Variants in STK39 observed in about 807,000 individuals in gnomAD.
STK39 encodes the protein serine/threonine kinase 39.
Under a neutral mutation model 77.8 loss-of-function variants are expected in STK39, and 20 were observed. The observed-to-expected ratio is 0.26, with a 90% confidence interval of 0.18 to 0.37. The LOEUF (loss-of-function observed/expected upper bound fraction) is 0.37. STK39 is among the 10% of genes least tolerant of loss of function. The pLI is 1.00. For synonymous variants in STK39, 246 were observed against 234.1 expected, an observed-to-expected ratio of 1.05 and a Z score of -0.47; for missense variants, 479 against 656.5, an observed-to-expected ratio of 0.73 and a Z score of 2.95.
chr2:168,244,567 TA>T (rs1421382207), intron 1 of STK39, among the ~76,000 whole-genome samples: 1 of 152,256 alleles, frequency 6.6e-6, no homozygotes, highest in Non-Finnish European at 1.5e-5. Context: ...TTTGAACTGC[TA>T]ACTTCTGCGT....
intron 10 of STK39, among the ~76,000 whole-genome samples, chr2:168,085,382 G>A (rs760627926): frequency 4.6e-5 from 7 of 152,260 alleles, no homozygotes; most frequent in East Asian, 1.9e-4. Flanking sequence ...GTGTGCTCCC[G>A]TTTTCCCCCT....
At chr2:168,067,535 G>A (rs1381730694) in intron 12 of STK39, among the ~76,000 whole-genome samples, 2 of 152,130 alleles carry the variant, frequency 1.3e-5, no homozygotes, top group Admixed American at 6.5e-5. Context: ...CTGCAGAACC[G>A]TGAGTCAATT....
chr2:168,235,231 G>A (rs188565055), intron 1 of STK39, among the ~76,000 whole-genome samples: 107 of 151,948 alleles, frequency 7.0e-4, no homozygotes, highest in Admixed American at 1.8e-3. Flanking sequence ...GTAGAGACGG[G>A]GTTTCACCAT....
At chr2:168,153,385 A>G (rs1688340093) in intron 5 of STK39, among the ~76,000 whole-genome samples, 1 of 152,146 alleles carries the variant, frequency 6.6e-6, no homozygotes, top group South Asian at 2.1e-4. Flanking sequence ...AATATAATAC[A>G]TAGTAGTAGT....
At chr2:168,235,904 A>G (rs1690592589) in intron 1 of STK39, among the ~76,000 whole-genome samples, 2 of 152,084 alleles carry the variant, frequency 1.3e-5, no homozygotes, top group Non-Finnish European at 2.9e-5. Flanking sequence ...GAATAGTGCC[A>G]CAATAAACAT....
At chr2:168,120,703 T>C (rs1687383519) in intron 10 of STK39, among the ~76,000 whole-genome samples, 1 of 152,252 alleles carries the variant, frequency 6.6e-6, no homozygotes, top group Non-Finnish European at 1.5e-5. Context: ...GTGCCACTTA[T>C]TATTTTGTCC....
At chr2:168,173,966 G>A (rs986675488) in intron 2 of STK39, among the ~76,000 whole-genome samples, 1 of 152,172 alleles carries the variant, frequency 6.6e-6, no homozygotes, top group African/African-American at 2.4e-5. Flanking sequence ...ATTTTGTCTT[G>A]TACCACTTAC....
intron 1 of STK39, among the ~76,000 whole-genome samples, chr2:168,189,603 T>C (rs1196541976): frequency 1.3e-5 from 2 of 152,178 alleles, no homozygotes. Flanking sequence ...ATGTGTGAGA[T>C]AAGGAGCTAA....
intron 10 of STK39, among the ~76,000 whole-genome samples, chr2:168,108,554 TAAAAAAGAAAA>T (rs1325237806): frequency 2.0e-5 from 3 of 150,080 alleles, no homozygotes; most frequent in Non-Finnish European, 4.4e-5. Context: ...TCTCAAAATT[TAAAAAAGAAAA>T]GAAAATAAAA....
intron 1 of STK39, among the ~76,000 whole-genome samples, chr2:168,219,566 G>A (rs368930421): frequency 1.3e-5 from 2 of 152,082 alleles, no homozygotes; most frequent in East Asian, 3.9e-4. Context: ...ATGCCAGTCA[G>A]ACAGATGCCC....
intron 10 of STK39, among the ~76,000 whole-genome samples, chr2:168,119,231 A>G (rs1406915505): frequency 6.6e-6 from 1 of 152,140 alleles, no homozygotes; most frequent in Non-Finnish European, 1.5e-5. Context: ...TAAACCCATA[A>G]TATGCACGGT....
intron 14 of STK39, among the ~76,000 whole-genome samples, chr2:168,044,107 G>A (rs1433714672): frequency 1.3e-5 from 2 of 152,224 alleles, no homozygotes; most frequent in African/African-American, 4.8e-5. Context: ...ACTTTTATAT[G>A]GCTCCTTTTT....
At chr2:168,069,394 A>G (rs1434640390) in intron 12 of STK39, among the ~76,000 whole-genome samples, 1 of 152,232 alleles carries the variant, frequency 6.6e-6, no homozygotes, top group African/African-American at 2.4e-5. Context: ...GGAAACAGAA[A>G]TATTTCCATA....
intron 1 of STK39, among the ~76,000 whole-genome samples, chr2:168,192,199 C>T (rs1197777970): frequency 6.6e-6 from 1 of 152,090 alleles, no homozygotes; most frequent in Non-Finnish European, 1.5e-5. Context: ...CCCTGGTGCC[C>T]CCATTAGCAC....
intron 5 of STK39, among the ~76,000 whole-genome samples, chr2:168,141,697 C>T (rs184391555): frequency 7.4e-4 from 113 of 152,268 alleles, no homozygotes; most frequent in Non-Finnish European, 1.1e-3. Context: ...AACAGGTAGG[C>T]AACACATCAA....
intron 1 of STK39, among the ~76,000 whole-genome samples, chr2:168,200,983 AC>A (rs1277890940): frequency 6.6e-6 from 1 of 152,156 alleles, no homozygotes; most frequent in Non-Finnish European, 1.5e-5. Context: ...AAAATCAGCA[AC>A]CCAGAACAAC....
intron 8 of STK39, 85 bp from the exon 9 acceptor site, chr2:168,129,843 T>C: frequency 2.0e-6 from 3 of 1,492,758 alleles, no homozygotes; most frequent in Non-Finnish European, 2.8e-6. Flanking sequence ...ACCTTAAGAG[T>C]ATTTCTGGAA....
chr2:168,181,527 T>C (rs956374714), intron 2 of STK39, among the ~76,000 whole-genome samples: 1 of 151,070 alleles, frequency 6.6e-6, no homozygotes, highest in South Asian at 2.1e-4. Context: ...AAAAAAAAAA[T>C]AACTCAAATT....
At chr2:168,241,582 G>C (rs902161442) in intron 1 of STK39, among the ~76,000 whole-genome samples, 1 of 152,222 alleles carries the variant, frequency 6.6e-6, no homozygotes, top group African/African-American at 2.4e-5. Context: ...CTCTCCCCTT[G>C]TAAGCCCCTT....
Sources: gnomAD v4.1 joint callset for allele counts (sites outside exome capture counted in the v4.1 genomes callset) on GRCh38, gnomAD v4.1.1 for gene constraint, MANE v1.5 for transcripts, NCBI Gene and HGNC (gene_info 2026-07-23, HGNC 2026-07-21) for gene names.